SETMAR: variants seen among roughly 807,000 people sequenced by gnomAD.
The protein encoded by SETMAR is histone-lysine N-methyltransferase SETMAR.
SETMAR carries 44 observed loss-of-function variants against 58.4 expected under a neutral mutation model. That is an observed-to-expected ratio of 0.75 (90% confidence interval 0.59 to 0.97). The LOEUF (loss-of-function observed/expected upper bound fraction) is 0.97, where lower values mean the gene tolerates loss of function less well. Ranked by LOEUF, SETMAR falls within the 50% of genes least tolerant of loss-of-function variation. The pLI, the probability that SETMAR is intolerant of heterozygous loss-of-function variation, is 0.00. For synonymous variants in SETMAR, 332 were observed against 307.4 expected (o/e 1.08, Z -0.84); for missense variants, 903 against 840.2 (o/e 1.07, Z -0.92).
intron 2 of SETMAR, chr3:4,314,371 G>T (rs1698551613): frequency 7.3e-6 from 1 of 137,000 alleles, no homozygotes. Flanking sequence ...AATTTTAACA[G>T]TAATAAAGCT....
intron 1 of SETMAR, 96 bp from the exon 2 acceptor site, chr3:4,312,802 G>A: frequency 7.1e-7 from 1 of 1,418,424 alleles, no homozygotes; most frequent in East Asian, 2.3e-5. Context: ...TTTTATATAT[G>A]TTAGAATTAG....
Position 4,313,238 on chromosome 3 carries a change from G to A in SETMAR, c.497G>A (p.Cys166Tyr). The change falls in exon 2 of 3, where the codon TGT becomes TAT. Residue 166 changes from cysteine to tyrosine, a missense_variant. Coordinates refer to ENST00000358065, the MANE Select transcript of SETMAR (RefSeq NM_006515.4). Reference protein sequence around the residue: ...LEFIPKGRFVCEYAGEVLGFS... With the variant: ...LEFIPKGRFVYEYAGEVLGFS... ...TTTATACCGAAAGGAAGGTTTGTCT[G>A]TGAATATGCTGGTGAGGTTTTAGGA... The A allele has an allele frequency of 1.2e-6, 2 of 1,613,970 alleles. No homozygotes were observed. Among genetic ancestry groups the A allele is most frequent in the Non-Finnish European group, 1.7e-6 (2 of 1,179,994 alleles).
At chr3:4,303,833 G>C in intron 1 of SETMAR, 2 of 1,353,756 alleles carry the variant, frequency 1.5e-6, no homozygotes, top group Non-Finnish European at 2.0e-6. Context: ...CACGGGGGGA[G>C]TCATTTACCT....
chr3:4,311,251 C>A (rs897828051), intron 1 of SETMAR, among the ~76,000 whole-genome samples: 1 of 152,114 alleles, frequency 6.6e-6, no homozygotes, highest in Non-Finnish European at 1.5e-5. Flanking sequence ...TAGCTCCACC[C>A]GAGGCCTCCA....
intron 1 of SETMAR, among the ~76,000 whole-genome samples, chr3:4,309,782 G>T (rs1230339679): frequency 2.0e-5 from 3 of 152,148 alleles, no homozygotes; most frequent in Non-Finnish European, 4.4e-5. Flanking sequence ...CAGAAGTCTG[G>T]CTTAGGTCAT....
At chr3:4,304,333 G>A (rs1014059525) in intron 1 of SETMAR, among the ~76,000 whole-genome samples, 12 of 152,256 alleles carry the variant, frequency 7.9e-5, no homozygotes, top group African/African-American at 2.9e-4. Context: ...GTAGAGACAG[G>A]GTTTCTCCAT....
intron 2 of SETMAR, among the ~76,000 whole-genome samples, chr3:4,315,267 C>T (rs553020651): frequency 1.3e-5 from 2 of 152,248 alleles, no homozygotes; most frequent in African/African-American, 4.8e-5. Context: ...TTTTCTTGCT[C>T]ACAAGCTCAC....
intron 1 of SETMAR, 144 bp downstream of exon 1, chr3:4,303,670 G>T: frequency 2.0e-6 from 3 of 1,486,340 alleles, no homozygotes; most frequent in South Asian, 1.3e-5. Flanking sequence ...GAATAGGTGT[G>T]CATGCCCCGG....
intron 2 of SETMAR, chr3:4,314,238 G>A (rs191643273): frequency 1.9e-5 from 3 of 160,614 alleles, no homozygotes; most frequent in Admixed American, 6.3e-5. Flanking sequence ...TGTACTTTCA[G>A]GTGAGAAATA....
chr3:4,311,252 G>A (rs997553038), intron 1 of SETMAR, among the ~76,000 whole-genome samples: 4 of 152,012 alleles, frequency 2.6e-5, no homozygotes, highest in African/African-American at 7.3e-5. Context: ...AGCTCCACCC[G>A]AGGCCTCCAC....
intron 1 of SETMAR, among the ~76,000 whole-genome samples, chr3:4,310,302 G>A (rs1383777472): frequency 6.6e-6 from 1 of 152,144 alleles, no homozygotes; most frequent in Non-Finnish European, 1.5e-5. Flanking sequence ...GTAAATACCT[G>A]AAAAGATGGG....
In SETMAR at chr3:4,313,380, T is replaced by A; in HGVS notation, c.639T>A (p.Thr213=). 1 of 1,613,946 alleles carries A rather than the reference T, an allele frequency of 6.2e-7. No individual in the cohort carries two copies. The highest frequency in any genetic ancestry group is 2.2e-5 in the East Asian group (1 of 44,878). Residue 213 remains threonine (T), a synonymous_variant, in exon 2 of 3, where the codon ACT becomes ACA. Coordinates refer to ENST00000358065, the MANE Select transcript of SETMAR (RefSeq NM_006515.4). ...TAATGGAAACATTTGTTGACCCTAC[T>A]TATATAGGAAATATTGGAAGATTCC... ...GQVMETFVDP[T]YIGNIGRFLN...
At position 4,313,459 on chromosome 3, in the gene SETMAR, A is replaced by G. The variant is rs201713979; in HGVS notation, c.718A>G (p.Met240Val). The change falls in exon 2 of 3, where the codon ATG becomes GTG. Residue 240 changes from methionine to valine, a missense_variant. Physicochemically the swap from Met to Val is conservative, Grantham distance 21 (BLOSUM62 1). Transcript: ENST00000358065. ...LLMIPVRIDS[M>V]VPKLALFAAK... is the part of the protein sequence containing the mutation. ...GATGATTCCTGTCCGAATTGACTCA[A>G]TGGTACCTAAGTTGGCACTTTTTGC... 3.0e-5 allele frequency: 48 copies of G among 1,614,034 alleles called. No homozygotes were observed. Among genetic ancestry groups the G allele is most frequent in the East Asian group, 4.5e-5 (2 of 44,880 alleles).
chr3:4,303,772 G>A (rs1698057489), intron 1 of SETMAR: 1 of 1,453,196 alleles, frequency 6.9e-7, no homozygotes, highest in Non-Finnish European at 9.2e-7. Flanking sequence ...CGGAGGCCTT[G>A]TGAGAACCTG....
In SETMAR at chr3:4,313,018, G is replaced by T; in HGVS notation, c.277G>T (p.Gly93Ter). 3.7e-6 allele frequency: 6 copies of T among 1,613,926 alleles called. No individual in the cohort carries two copies. Among genetic ancestry groups the T allele is most frequent in the Non-Finnish European group, 5.1e-6 (6 of 1,179,936 alleles). Reference protein sequence around the residue: ...LPGTCSCLRHGENYDDNSCLR... With the variant: ...LPGTCSCLRH ...TGGCACTTGCTCCTGTCTCCGCCAT[G>T]GAGAGAACTATGATGATAACTCATG... Residue 93 changes from glycine to a stop codon, truncating the protein, a stop_gained, in exon 2 of 3, where the codon GGA (glycine) becomes TGA (stop). Transcript: ENST00000358065. LOFTEE classifies it high-confidence loss of function.
Position 4,310,182 on chromosome 3 carries a change from G to A in SETMAR, c.157-2716G>A, listed in dbSNP as rs115662123. On this transcript the variant is annotated intron_variant, in intron 1 of 2. Transcript: ENST00000358065. ...TGTGGTCTGACCAAAAAGTCATTAT[G>A]CAGCACATGACTACTCGAAGTTTAA... is the stretch of plus-strand genomic sequence containing the variant. Among the ~76,000 whole-genome samples, 535 of 152,272 alleles carry A rather than the reference G, an allele frequency of 3.5e-3. 4 individuals are homozygous for A. Among genetic ancestry groups the A allele is most frequent in the African/African-American group, 0.012 (507 of 41,554 alleles).
chr3:4,314,163 A>C, intron 2 of SETMAR: 4 of 221,908 alleles, frequency 1.8e-5, no homozygotes, highest in East Asian at 2.1e-4. Context: ...AAAAATCAAC[A>C]AGGTTAAAAG....
chr3:4,317,176 C>G lies in SETMAR; in HGVS notation c.1985C>G (p.Ala662Gly). ...GAATCCCAAAGCACGGATTTTTACG[C>G]TACAGGAATAAACCAACTTATTTCT... Reference protein sequence around the residue: ...FVESQSTDFYATGINQLISRW... With the variant: ...FVESQSTDFYGTGINQLISRW... The change falls in exon 3 of 3, where the codon GCT becomes GGT. Residue 662 changes from alanine (A) to glycine (G), a missense_variant. By Grantham distance (60) the Ala-to-Gly change is moderately conservative. Coordinates refer to ENST00000358065, the MANE Select transcript of SETMAR (RefSeq NM_006515.4). 1 of 1,550,010 alleles carries G rather than the reference C, an allele frequency of 6.5e-7. No individual in the cohort carries two copies. Among genetic ancestry groups the G allele is most frequent in the Non-Finnish European group, 8.7e-7 (1 of 1,146,354 alleles).
At chr3:4,316,127 T>G (rs1698633006) in intron 2 of SETMAR, 85 bp from the exon 3 acceptor site, 1 of 570,424 alleles carries the variant, frequency 1.8e-6, no homozygotes, top group Admixed American at 3.0e-5. Flanking sequence ...TTCTTAAATG[T>G]GGTCATGTTA....
Sources: gnomAD v4.1 joint callset for allele counts (sites outside exome capture counted in the v4.1 genomes callset) on GRCh38, gnomAD v4.1.1 for gene constraint, MANE v1.5 for transcripts, NCBI Gene and HGNC (gene_info 2026-07-23, HGNC 2026-07-21) for gene names.